The following PCDHGA7 variants were observed in gnomAD, a reference collection of about 807,000 sequenced individuals.
PCDHGA7 encodes protocadherin gamma-A7.
Under a neutral mutation model 58.3 loss-of-function variants are expected in PCDHGA7, and 44 were observed. The observed-to-expected ratio is 0.75, with a 90% CI of 0.59 to 0.97. The LOEUF (loss-of-function observed/expected upper bound fraction) is 0.97, where lower values mean the gene tolerates loss of function less well. Among genes scored for constraint, PCDHGA7 ranks in the 50% least tolerant of loss-of-function variants. The pLI, the probability that PCDHGA7 is intolerant of heterozygous loss-of-function variation, is 0.00. For synonymous variants in PCDHGA7, 516 were observed against 504.2 expected (o/e 1.02, Z -0.31); for missense variants, 1,266 against 1,188.7 (o/e 1.06, Z -0.96).
rs771858105 is a variant in PCDHGA7 at position 141,428,074 on chromosome 5, G to A, written c.2424+42751G>A. 4.4e-6 allele frequency: 7 copies of A among 1,609,112 alleles called. No homozygotes were observed. The African/African-American group carries it at 5.3e-5, about 12-fold the overall frequency. On this transcript the variant is annotated intron_variant, in intron 1 of 3. Transcript: ENST00000518325. The stretch of plus-strand genomic sequence containing the variant: ...GTGGTGGCGGTGGACGCAGATTCGG[G>A]ACACAACGCTTGGCTGTCCTACCAC...
chr5:141,389,669 C>T (rs747451761), intron 1 of PCDHGA7: 14 of 1,612,326 alleles, frequency 8.7e-6, no homozygotes, highest in Non-Finnish European at 9.3e-6. Flanking sequence ...TGGACGCAGA[C>T]TCAGGACACA....
At chr5:141,413,221 G>C (rs1384304697) in intron 1 of PCDHGA7, 1 of 1,613,570 alleles carries the variant, frequency 6.2e-7, no homozygotes, top group South Asian at 1.1e-5. Context: ...GGATTGCAGC[G>C]GGCTGGTCCT....
intron 1 of PCDHGA7, chr5:141,385,892 G>A (rs544548013): frequency 1.3e-5 from 2 of 152,934 alleles, no homozygotes; most frequent in South Asian, 2.1e-4. Context: ...AGAATGAAAT[G>A]TGTGTGTATC....
At chr5:141,398,023 G>C in intron 1 of PCDHGA7, 1 of 1,438,566 alleles carries the variant, frequency 7.0e-7, no homozygotes, top group Non-Finnish European at 9.3e-7. Context: ...TCCTAAACTG[G>C]AACTGGAACT....
chr5:141,494,676 C>G, intron 1 of PCDHGA7, 131 bp from the exon 2 acceptor site: 1 of 1,550,918 alleles, frequency 6.4e-7, no homozygotes, highest in African/African-American at 1.4e-5. Context: ...GAGTCCACCC[C>G]TGCCCCCTCT....
chr5:141,457,949 C>G (rs2098933653), intron 1 of PCDHGA7, among the ~76,000 whole-genome samples: 1 of 152,192 alleles, frequency 6.6e-6, no homozygotes. Flanking sequence ...CTCTGCATGT[C>G]AAGCTTGATT....
chr5:141,471,786 A>AT (rs531568169), intron 1 of PCDHGA7, among the ~76,000 whole-genome samples: 23 of 152,362 alleles, frequency 1.5e-4, no homozygotes, highest in African/African-American at 5.5e-4. Flanking sequence ...ACATTATGCT[A>AT]TGTCATATAA....
rs769652961 is a variant in PCDHGA7, at chr5:141,489,435, A to G, written c.2425-5372A>G. ...CAGATCTGTTGAGCCGGCGGCTGCAATTGGGCTCTGAGGAGAATGGGCGCT... is the reference window on the plus strand; with the variant it reads ...CAGATCTGTTGAGCCGGCGGCTGCAGTTGGGCTCTGAGGAGAATGGGCGCT... On this transcript the variant is annotated intron_variant, in intron 1 of 3. Coordinates refer to ENST00000518325, the MANE Select transcript of PCDHGA7 (RefSeq NM_018920.4). This position sits in a 1 kb window ranked among gnomAD's most constrained non-coding sequence, Gnocchi z 4.5. 2 of 1,614,138 alleles carry G rather than the reference A, an allele frequency of 1.2e-6. No homozygotes were observed. The highest frequency in any genetic ancestry group is 1.7e-6 in the Non-Finnish European group (2 of 1,180,024).
chr5:141,441,725 C>A, intron 1 of PCDHGA7: 1 of 352,450 alleles, frequency 2.8e-6, no homozygotes. Flanking sequence ...AGGCCCGCGA[C>A]CAGGACTAGC....
intron 1 of PCDHGA7, among the ~76,000 whole-genome samples, chr5:141,453,827 C>T (rs2098775483): frequency 6.6e-6 from 1 of 152,320 alleles, no homozygotes; most frequent in South Asian, 2.1e-4. Flanking sequence ...AACTTGGCTG[C>T]TAGCCCTTCA....
intron 1 of PCDHGA7, among the ~76,000 whole-genome samples, chr5:141,438,921 C>T (rs1204218608): frequency 6.6e-6 from 1 of 151,970 alleles, no homozygotes; most frequent in Non-Finnish European, 1.5e-5. Context: ...CTGCCTTGGC[C>T]TCCCAAAGTG....
At chr5:141,394,057 T>C (rs1318938543) in intron 1 of PCDHGA7, 1 of 1,613,750 alleles carries the variant, frequency 6.2e-7, no homozygotes, top group East Asian at 2.2e-5. Flanking sequence ...CGAGAAAATG[T>C]CTCTATCTAC....
At position 141,382,891 on chromosome 5, in the gene PCDHGA7, A is replaced by C. The variant is rs1428861059; in HGVS notation, c.-9A>C. 1 of 1,533,794 alleles carries C rather than the reference A, an allele frequency of 6.5e-7. No individual in the cohort carries two copies. The highest frequency in any genetic ancestry group is 8.8e-7 in the Non-Finnish European group (1 of 1,142,336). ...AGATCGGCGCCTAAGCAAGAGAAGCAGGACGACTATGGCGGCTCAGCCGAG... is the reference window on the plus strand; with the variant it reads ...AGATCGGCGCCTAAGCAAGAGAAGCCGGACGACTATGGCGGCTCAGCCGAG... On this transcript the variant is annotated 5_prime_UTR_variant, in exon 1 of 4. Coordinates refer to ENST00000518325, the MANE Select transcript of PCDHGA7 (RefSeq NM_018920.4).
intron 1 of PCDHGA7, chr5:141,409,829 A>AGC (rs2095323181): frequency 6.2e-7 from 1 of 1,610,980 alleles, no homozygotes; most frequent in African/African-American, 1.3e-5. Context: ...GCCCACGCTC[A>AGC]GCGCCAACGT....
intron 3 of PCDHGA7, among the ~76,000 whole-genome samples, chr5:141,510,369 C>G (rs1403924479): frequency 7.1e-6 from 1 of 140,308 alleles, no homozygotes; most frequent in Non-Finnish European, 1.6e-5. Context: ...TACCGAATCT[C>G]TACTCGTGCC....
At chr5:141,495,193 T>G (rs1471524188) in intron 2 of PCDHGA7, among the ~76,000 whole-genome samples, 2 of 152,192 alleles carry the variant, frequency 1.3e-5, no homozygotes, top group Non-Finnish European at 2.9e-5. Flanking sequence ...TCTATGCCCA[T>G]GTACTGCCTA....
chr5:141,403,527 C>G lies in PCDHGA7; in HGVS notation c.2424+18204C>G. The G allele has an allele frequency of 3.1e-6, 5 of 1,614,022 alleles. No homozygotes were observed. The South Asian group carries it at 5.5e-5, about 18-fold the overall frequency. The stretch of plus-strand genomic sequence containing the variant: ...ACTGGAGACAATGGAGCCATAAACC[C>G]AGAGCTGGTGCTGGAGCGCGCCCTG... On this transcript the variant is annotated intron_variant, in intron 1 of 3. Coordinates refer to ENST00000518325, the MANE Select transcript of PCDHGA7 (RefSeq NM_018920.4).
intron 1 of PCDHGA7, chr5:141,405,039 C>T (rs1227328278): frequency 1.2e-6 from 2 of 1,613,880 alleles, no homozygotes; most frequent in Non-Finnish European, 1.7e-6. Flanking sequence ...CTCGTTGTGG[C>T]TGTGGCAGTC....
chr5:141,413,176 A>G lies in PCDHGA7; in HGVS notation c.2424+27853A>G, dbSNP rs758582296. 252 of 1,601,774 alleles carry G rather than the reference A, an allele frequency of 1.6e-4. 1 individual carries two copies. Among genetic ancestry groups the G allele is most frequent in the Non-Finnish European group, 2.1e-4 (243 of 1,173,006 alleles). Reference sequence around the variant, plus strand: ...TGCAGAATTCTGTAACCAGACTACAATGGCCGCTCAAAGGAATCGCTCAAA... The same window carrying G: ...TGCAGAATTCTGTAACCAGACTACAGTGGCCGCTCAAAGGAATCGCTCAAA... On this transcript the variant is annotated intron_variant, in intron 1 of 3. Coordinates refer to ENST00000518325, the MANE Select transcript of PCDHGA7 (RefSeq NM_018920.4).
Sources: allele counts gnomAD v4.1 joint callset (sites outside exome capture counted in the v4.1 genomes callset), GRCh38; gene constraint gnomAD v4.1.1; non-coding constraint Gnocchi (gnomAD v3.1); transcripts MANE v1.5; gene names NCBI Gene and HGNC (gene_info 2026-07-23, HGNC 2026-07-21).